The following HERC5 variants were observed in gnomAD, a reference collection of about 807,000 sequenced individuals.
HERC5 encodes the protein HECT and RLD domain containing E3 ubiquitin protein ligase 5, also known as E3 ISG15--protein ligase HERC5.
Under a neutral mutation model 119.6 loss-of-function variants are expected in HERC5, and 99 were observed. That is an observed-to-expected ratio of 0.83 (90% confidence interval 0.70 to 0.98). HERC5 has a LOEUF of 0.98. HERC5 is among the 50% of genes least tolerant of loss of function. The pLI, the probability that HERC5 is intolerant of heterozygous loss-of-function variation, is 0.00. For synonymous variants in HERC5, 478 were observed against 445.9 expected, an observed-to-expected ratio of 1.07 and a Z score of -0.91; for missense variants, 1,267 against 1,241.3, an observed-to-expected ratio of 1.02 and a Z score of -0.31.
Position 88,463,941 on chromosome 4 carries a change from G to A in HERC5, c.867G>A (p.Val289=). 1 of 1,613,882 alleles carries A rather than the reference G, an allele frequency of 6.2e-7. No individual in the cohort carries two copies. The highest frequency in any genetic ancestry group is 1.1e-5 in the South Asian group (1 of 91,066). The change falls in exon 6 of 23, where the codon GTG becomes GTA. Residue 289 remains valine (V), a synonymous_variant. Transcript: ENST00000264350. The part of the protein sequence containing the change: ...STQNELRPCL[V]AELVGYRVTQ... ...AGAATGAGCTAAGACCCTGTTTGGTGGCTGAGCTTGTTGGGTATAGAGTGA... is the reference window on the plus strand; with the variant it reads ...AGAATGAGCTAAGACCCTGTTTGGTAGCTGAGCTTGTTGGGTATAGAGTGA...
chr4:88,478,743 C>G (rs1741169296), intron 12 of HERC5, among the ~76,000 whole-genome samples: 1 of 152,070 alleles, frequency 6.6e-6, no homozygotes, highest in South Asian at 2.1e-4. Flanking sequence ...TCCCGAGTAG[C>G]TGGGCCACAG....
intron 20 of HERC5, among the ~76,000 whole-genome samples, chr4:88,501,306 C>T (rs1219118317): frequency 1.3e-5 from 2 of 152,124 alleles, no homozygotes; most frequent in Admixed American, 1.3e-4. Context: ...GGTTTATTTG[C>T]TTATTTATTT....
intron 19 of HERC5, among the ~76,000 whole-genome samples, 183 bp from the exon 20 acceptor site, chr4:88,500,732 A>C (rs1553924137): frequency 6.6e-6 from 1 of 152,242 alleles, no homozygotes; most frequent in Non-Finnish European, 1.5e-5. Flanking sequence ...CTTTGAAAAA[A>C]TTTATTTTTA....
intron 6 of HERC5, 49 bp from the exon 7 acceptor site, chr4:88,466,994 TATTGCTAAACACTCTC>T: frequency 6.6e-7 from 1 of 1,517,872 alleles, no homozygotes; most frequent in Non-Finnish European, 9.1e-7. Context: ...CAATTTACTG[TATTGCTAAACACTCTC>T]ATCATTGTGG....
intron 18 of HERC5, among the ~76,000 whole-genome samples, chr4:88,499,025 G>GA (rs983787799): frequency 8.5e-5 from 13 of 152,104 alleles, no homozygotes; most frequent in African/African-American, 2.4e-4. Flanking sequence ...ACCCAGTGGG[G>GA]AAAAAAAATC....
At chr4:88,460,637 A>G (rs149613437) in intron 3 of HERC5, among the ~76,000 whole-genome samples, 47 of 152,230 alleles carry the variant, frequency 3.1e-4, no homozygotes, top group African/African-American at 9.2e-4. Context: ...CCCATTTTCT[A>G]TCAGACACTG....
chr4:88,486,087 C>G (rs753543501), intron 13 of HERC5, 28 bp from the exon 14 acceptor site: 1 of 1,434,170 alleles, frequency 7.0e-7, no homozygotes, highest in Non-Finnish European at 9.7e-7. Context: ...AAATATAAAA[C>G]TTTTTCACAA....
At position 88,472,515 on chromosome 4, in the gene HERC5, T is replaced by A; in HGVS notation, c.1392+13T>A. On this transcript the variant is annotated intron_variant, in intron 11 of 22. Coordinates refer to ENST00000264350, the MANE Select transcript of HERC5 (RefSeq NM_016323.4). ...GATTACTAACATGGTATCTTCAGAT[T>A]GTTATGTGGAGAAAGAAAATACACC... 7.2e-7 allele frequency: 1 copy of A among 1,389,956 alleles called. No homozygotes were observed. The highest frequency in any genetic ancestry group is 1.2e-5 in the South Asian group (1 of 81,068). The allele number at this position is 1,389,956 out of a possible 1,614,324, so 86.1% of individuals were successfully genotyped here.
intron 3 of HERC5, among the ~76,000 whole-genome samples, chr4:88,460,914 C>G (rs1740416650): frequency 6.6e-6 from 1 of 152,014 alleles, no homozygotes; most frequent in African/African-American, 2.4e-5. Flanking sequence ...CCCTTGAGCC[C>G]AGGAGTTTGA....
chr4:88,479,740 TA>T (rs1220164996), intron 13 of HERC5, among the ~76,000 whole-genome samples: 3 of 151,970 alleles, frequency 2.0e-5, no homozygotes, highest in African/African-American at 7.2e-5. Flanking sequence ...CCACCCATGT[TA>T]AAAAAATAAA....
In HERC5 at chr4:88,458,078, A is replaced by G. The variant is rs922577641; in HGVS notation, c.265+544A>G. ...TTGCTGCGAGTTTATTTTGCGTTTA[A>G]CTACTGGACGTTTGCGTTCCTTTTT... On this transcript the variant is annotated intron_variant, in intron 1 of 22. Coordinates refer to ENST00000264350, the MANE Select transcript of HERC5 (RefSeq NM_016323.4). 5.1e-6 allele frequency: 5 copies of G among 985,408 alleles called. No homozygotes were observed. The African/African-American group carries it at 8.7e-5, about 17-fold the overall frequency. The allele number at this position is 985,408 out of a possible 1,614,324, so 61.0% of individuals were successfully genotyped here.
chr4:88,489,600 A>C (rs370621839), intron 16 of HERC5, among the ~76,000 whole-genome samples: 1 of 152,172 alleles, frequency 6.6e-6, no homozygotes, highest in African/African-American at 2.4e-5. Flanking sequence ...GTTGGCCCTA[A>C]GAGGTCCAGT....
At position 88,486,190 on chromosome 4, in the gene HERC5, G is replaced by A. The variant is rs1444068740; in HGVS notation, c.1813G>A (p.Val605Ile). Residue 605 changes from valine to isoleucine, a missense_variant, in exon 14 of 23, where the codon GTA (valine) becomes ATA (isoleucine). By Grantham distance (29) the Val-to-Ile change is conservative (BLOSUM62 3). Around this residue, in one of 3 missense-constraint regions of HERC5, gnomAD observed 777 missense variants for 758.0 expected, o/e 1.03. Transcript: ENST00000264350. ...DELLHRLNFF[V>I]EVCRRYLWKM... ...ACTCTTGCACCGTCTCAATTTTTTT[G>A]TAGAAGTATGCAGAAGGTACTTGTG... 2 of 1,611,684 alleles carry A rather than the reference G, an allele frequency of 1.2e-6. No individual in the cohort carries two copies. Among genetic ancestry groups the A allele is most frequent in the East Asian group, 2.2e-5 (1 of 44,824 alleles).
chr4:88,475,903 A>G lies in HERC5; in HGVS notation c.1455A>G (p.Glu485=), dbSNP rs781398061. Reference sequence around the variant, plus strand: ...TTCCATTTCATTCTCCACCCCAAGAAGCTTTAGAAATTTTCTTCCTTCTCC... The same window carrying G: ...TTCCATTTCATTCTCCACCCCAAGAGGCTTTAGAAATTTTCTTCCTTCTCC... ...KRLPFHSPPQ[E]ALEIFFLLPE... is the part of the protein sequence containing the mutation. The change falls in exon 12 of 23, where the codon GAA becomes GAG. Residue 485 remains glutamate, a synonymous_variant. Coordinates refer to ENST00000264350, the MANE Select transcript of HERC5 (RefSeq NM_016323.4). The G allele has an allele frequency of 3.1e-6, 5 of 1,614,034 alleles. No homozygotes were observed. The highest frequency in any genetic ancestry group is 3.4e-6 in the Non-Finnish European group (4 of 1,179,996).
chr4:88,500,359 A>T (rs34840817), intron 19 of HERC5, among the ~76,000 whole-genome samples: 1 of 152,234 alleles, frequency 6.6e-6, no homozygotes, highest in Non-Finnish European at 1.5e-5. Context: ...CCAATAGGCT[A>T]GCTGAGGCTT....
chr4:88,486,996 T>G (rs555799469), intron 14 of HERC5, 73 bp from the exon 15 acceptor site: 1 of 982,754 alleles, frequency 1.0e-6, no homozygotes, highest in African/African-American at 1.6e-5. Context: ...ATCAGGGATG[T>G]AAGGCTATGA....
chr4:88,483,519 C>CTT (rs1162985782), intron 13 of HERC5, among the ~76,000 whole-genome samples: 111 of 83,146 alleles, frequency 1.3e-3, no homozygotes, highest in African/African-American at 1.5e-3. Context: ...GCTCTATAGG[C>CTT]TTTTTTTTTT....
intron 6 of HERC5, among the ~76,000 whole-genome samples, chr4:88,466,424 A>G (rs999852392): frequency 2.0e-5 from 3 of 152,166 alleles, no homozygotes; most frequent in African/African-American, 7.2e-5. Flanking sequence ...TGGTTAAATC[A>G]TTGCCCGGAT....
At position 88,470,600 on chromosome 4, in the gene HERC5, TA is replaced by T; in HGVS notation, c.1239-13del. ...ATGTGATTTGGTTTAACCAGTGTCT[TA>T]TTACTAATATAGGGAAATCCAAGAG... On this transcript the variant is annotated splice_polypyrimidine_tract_variant and intron_variant, in intron 9 of 22. Coordinates refer to ENST00000264350, the MANE Select transcript of HERC5 (RefSeq NM_016323.4). 1 of 1,447,564 alleles carries T rather than the reference TA, an allele frequency of 6.9e-7. No individual in the cohort carries two copies. Among genetic ancestry groups the T allele is most frequent in the African/African-American group, 1.4e-5 (1 of 71,194 alleles). 89.7% of individuals were successfully genotyped at this position (1,447,564 alleles called of 1,614,324 possible). A position where few individuals can be genotyped will look rare whatever the true frequency, so the allele number is the denominator to read the frequency against.
Sources: allele counts gnomAD v4.1 joint callset (sites outside exome capture counted in the v4.1 genomes callset), GRCh38; gene constraint gnomAD v4.1.1; regional missense constraint gnomAD v4.1.1; transcripts MANE v1.5; gene names NCBI Gene and HGNC (gene_info 2026-07-23, HGNC 2026-07-21).